Variants in URGCP observed in about 807,000 individuals in gnomAD.
URGCP encodes up-regulator of cell proliferation.
A neutral mutation model predicts 24.6 loss-of-function variants in URGCP; 13 were observed. That is an observed-to-expected ratio of 0.53 (90% CI 0.34 to 0.84). URGCP has a LOEUF of 0.84. Among genes scored for constraint, URGCP ranks in the 40% least tolerant of loss-of-function variants. URGCP has a pLI of 0.01. For synonymous variants in URGCP, 444 were observed against 487.2 expected (o/e 0.91, Z 1.17); for missense variants, 899 against 1,194.3 (o/e 0.75, Z 3.64).
rs577747124 is a variant in URGCP, at chr7:43,900,234, C to T, written c.14+6328G>A. Among the ~76,000 whole-genome samples the T allele has an allele frequency of 3.6e-4, 54 of 151,752 alleles. No individual in the cohort carries two copies. In the Middle Eastern group the frequency reaches 0.01, roughly 29 times the overall value. Reference sequence around the variant, plus strand: ...CTTGGGGAGGCCAAGGCAGGCGGATCGCTTAAGGTCAGCGGTTCGAGACCA... The same window carrying T: ...CTTGGGGAGGCCAAGGCAGGCGGATTGCTTAAGGTCAGCGGTTCGAGACCA... On this transcript the variant is annotated intron_variant, in intron 1 of 5. Transcript: ENST00000453200.
intron 1 of URGCP, among the ~76,000 whole-genome samples, chr7:43,904,576 T>G (rs1441993687): frequency 6.6e-6 from 1 of 152,182 alleles, no homozygotes; most frequent in African/African-American, 2.4e-5. Flanking sequence ...CTAGCTAGAC[T>G]CTGATCTACC....
intron 1 of URGCP, chr7:43,905,651 G>A (rs2095900381): frequency 1.3e-5 from 2 of 151,928 alleles, no homozygotes; most frequent in Non-Finnish European, 2.9e-5. Flanking sequence ...TGTTCTGAAT[G>A]GCTATCACAG....
At chr7:43,894,036 A>G (rs1419132697) in intron 1 of URGCP, among the ~76,000 whole-genome samples, 2 of 152,244 alleles carry the variant, frequency 1.3e-5, no homozygotes, top group Admixed American at 1.3e-4. Context: ...GCAAGAGGAT[A>G]TAACAATTGT....
chr7:43,904,560 G>A (rs1308990338), intron 1 of URGCP, among the ~76,000 whole-genome samples: 1 of 152,148 alleles, frequency 6.6e-6, no homozygotes, highest in Non-Finnish European at 1.5e-5. Context: ...AGAAAGCACT[G>A]TCTTCCTAGC....
intron 1 of URGCP, among the ~76,000 whole-genome samples, chr7:43,903,147 GAA>G (rs1479941128): frequency 1.3e-5 from 2 of 149,782 alleles, no homozygotes; most frequent in Non-Finnish European, 3.0e-5. Flanking sequence ...GAGAGAGAGA[GAA>G]AGAGAAAGAG....
chr7:43,926,427 G>C (rs2095930582), upstream of URGCP: 1 of 1,052,720 alleles, frequency 9.5e-7, no homozygotes. Flanking sequence ...GCGCGCGCAA[G>C]CGCAGGCTGC....
intron 1 of URGCP, among the ~76,000 whole-genome samples, chr7:43,905,430 G>T (rs1182981120): frequency 2.0e-5 from 3 of 152,234 alleles, no homozygotes; most frequent in African/African-American, 7.2e-5. Context: ...CCTGGTCCCG[G>T]AAATGACCAC....
upstream of URGCP, among the ~76,000 whole-genome samples, chr7:43,909,871 T>TC (rs1288253867): frequency 1.5e-5 from 2 of 137,634 alleles, no homozygotes; most frequent in East Asian, 4.6e-4. Context: ...GGAGAAACCC[T>TC]GTTCTCTACT....
chr7:43,892,559 T>C (rs1017839627), intron 1 of URGCP, among the ~76,000 whole-genome samples: 1 of 152,154 alleles, frequency 6.6e-6, no homozygotes, highest in Non-Finnish European at 1.5e-5. Flanking sequence ...CTGGGTCTCT[T>C]CTCCACTTCT....
At chr7:43,907,053 G>A (rs956319386), upstream of URGCP, 2 of 152,402 alleles carry the variant, frequency 1.3e-5, no homozygotes, top group South Asian at 4.1e-4. Context: ...TCTCTGAGAC[G>A]GTACCCATTG....
chr7:43,883,643 G>T (rs2095858088), intron 3 of URGCP, among the ~76,000 whole-genome samples: 1 of 152,052 alleles, frequency 6.6e-6, no homozygotes. Flanking sequence ...TTACAGGCGT[G>T]AGCCACCTTG....
chr7:43,891,782 T>C (rs2095871116), intron 1 of URGCP, among the ~76,000 whole-genome samples: 1 of 152,106 alleles, frequency 6.6e-6, no homozygotes, highest in Non-Finnish European at 1.5e-5. Context: ...ACCTGGCTAC[T>C]TTTTGTATTT....
At chr7:43,906,620 G>A, upstream of URGCP, 1 of 1,180,400 alleles carries the variant, frequency 8.5e-7, no homozygotes, top group Non-Finnish European at 1.0e-6. Flanking sequence ...CTTCCTCCGC[G>A]CGGCCGCGGC....
rs767549758 is a variant in URGCP, at chr7:43,876,670, C to A, written c.2793G>T (p.Leu931=). 9 of 1,613,302 alleles carry A rather than the reference C, an allele frequency of 5.6e-6. No homozygotes were observed. Among genetic ancestry groups the A allele is most frequent in the Non-Finnish European group, 7.6e-6 (9 of 1,179,512 alleles). The change falls in exon 6 of 6, where the codon CTG becomes CTT. Residue 931 remains leucine, a synonymous_variant. Transcript: ENST00000453200. ...IQQLIELVRR[L] ...TGAACTGGGTTTCTCTGCACACTCA[C>A]AGCCGTCTCACCAGCTCAATGAGCT...
At position 43,881,928 on chromosome 7, in the gene URGCP, C is replaced by A. The variant is rs1456523597; in HGVS notation, c.142G>T (p.Asp48Tyr). 3 of 1,614,042 alleles carry A rather than the reference C, an allele frequency of 1.9e-6. No homozygotes were observed. The highest frequency in any genetic ancestry group is 1.3e-5 in the African/African-American group (1 of 74,946). The change falls in exon 4 of 6, where the codon GAT (aspartate) becomes TAT (tyrosine). Residue 48 changes from aspartate to tyrosine, a missense_variant. Transcript: ENST00000453200. Reference sequence around the variant, plus strand: ...CTACCTCCATAACGGAACTCGCAATCATCTCCTTCCATTTCTCTCCATTCC... The same window carrying A: ...CTACCTCCATAACGGAACTCGCAATAATCTCCTTCCATTTCTCTCCATTCC... ...DLEWREMEGD[D>Y]CEFRYGDGTN...
intron 1 of URGCP, chr7:43,888,160 A>T (rs1216827891): frequency 5.1e-6 from 1 of 195,202 alleles, no homozygotes; most frequent in Non-Finnish European, 1.0e-5. Context: ...GGAAGGGGTG[A>T]TCCTGAATTA....
intron 3 of URGCP, among the ~76,000 whole-genome samples, chr7:43,882,618 A>C (rs1358827790): frequency 2.6e-5 from 4 of 152,024 alleles, no homozygotes; most frequent in African/African-American, 4.8e-5. Flanking sequence ...AAAAAAAAAA[A>C]ACACCAAACA....
chr7:43,910,299 T>C (rs1354576653), upstream of URGCP, among the ~76,000 whole-genome samples: 2 of 151,476 alleles, frequency 1.3e-5, no homozygotes, highest in Non-Finnish European at 2.9e-5. Flanking sequence ...CACTGCAGCC[T>C]CAACTTCCCA....
chr7:43,915,464 G>T (rs1342059382), intron 1 of URGCP, among the ~76,000 whole-genome samples: 2 of 152,162 alleles, frequency 1.3e-5, no homozygotes, highest in African/African-American at 4.8e-5. Flanking sequence ...CCTTCTGTTT[G>T]CAGGACTGTA....
Sources: gnomAD v4.1 joint callset for allele counts (sites outside exome capture counted in the v4.1 genomes callset) on GRCh38, gnomAD v4.1.1 for gene constraint, MANE v1.5 for transcripts, NCBI Gene and HGNC (gene_info 2026-07-23, HGNC 2026-07-21) for gene names.